SEC13: variants seen among roughly 807,000 people sequenced by gnomAD.
SEC13 encodes the protein SEC13 homolog, nuclear pore and COPII component.
A neutral mutation model predicts 49.2 loss-of-function variants in SEC13; 25 were observed. The ratio of observed to expected loss-of-function variants is 0.51; its 90% CI spans 0.37 to 0.71. SEC13 has a LOEUF of 0.71. Among genes scored for constraint, SEC13 ranks in the 30% least tolerant of loss-of-function variants. The pLI is 0.00. For synonymous variants in SEC13, 148 were observed against 163.9 expected (o/e 0.90, Z 0.74); for missense variants, 383 against 417.6 (o/e 0.92, Z 0.72).
intron 5 of SEC13, 107 bp from the exon 6 acceptor site, chr3:10,305,799 G>T (rs1308314761): frequency 8.0e-7 from 1 of 1,253,268 alleles, no homozygotes; most frequent in Non-Finnish European, 1.1e-6. Context: ...TGGAGTGTGT[G>T]TGAAGGCTGA....
chr3:10,318,779 G>A (rs2059709037), intron 1 of SEC13, among the ~76,000 whole-genome samples: 1 of 152,136 alleles, frequency 6.6e-6, no homozygotes, highest in African/African-American at 2.4e-5. Context: ...TATTCTTTGA[G>A]GTCCAGCTCA....
chr3:10,312,926 AC>A (rs2125272701), intron 3 of SEC13, 196 bp from the exon 4 acceptor site: 1 of 550,398 alleles, frequency 1.8e-6, no homozygotes, highest in South Asian at 2.4e-5. Context: ...AGGTTAAGCA[AC>A]CTAAGGTCAC....
intron 2 of SEC13, among the ~76,000 whole-genome samples, chr3:10,316,472 A>G (rs1701613417): frequency 1.3e-5 from 2 of 152,172 alleles, no homozygotes; most frequent in Non-Finnish European, 2.9e-5. Flanking sequence ...GAGGGCAGGC[A>G]GTAGAGGAGT....
At chr3:10,315,475 G>C (rs1469161588) in intron 2 of SEC13, 39 bp from the exon 3 acceptor site, 1 of 714,508 alleles carries the variant, frequency 1.4e-6, no homozygotes, top group Non-Finnish European at 2.3e-6. Context: ...TGCAGGCTGG[G>C]TGGGTGGGTG....
chr3:10,310,848 A>G lies in SEC13; in HGVS notation c.450+1117T>C, dbSNP rs114739197. On this transcript the variant is annotated intron_variant, in intron 5 of 8. Transcript: ENST00000350697. ...TGATGAATGGATAAACAAAATGTCT[A>G]TATTCACAATGGAGTATTATCCAGC... Among the ~76,000 whole-genome samples, 1,516 of 152,296 alleles carry G rather than the reference A, an allele frequency of 1.0e-2. 24 individuals carry two copies. The highest frequency in any genetic ancestry group is 0.034 in the African/African-American group (1,414 of 41,560).
In SEC13 at chr3:10,315,364, C is replaced by G. The variant is rs1259252377; in HGVS notation, c.121G>C (p.Asp41His). The change falls in exon 3 of 9, where the codon GAT (aspartate) becomes CAT (histidine). Residue 41 changes from aspartate (D) to histidine (H), a missense_variant. Transcript: ENST00000350697. Reference sequence around the variant, plus strand: ...AGGATCTGCCCTCCATTGCGCACATCAAAGATTTTGACGGACCTGTCTGAT... The same window carrying G: ...AGGATCTGCCCTCCATTGCGCACATGAAAGATTTTGACGGACCTGTCTGAT... Reference protein sequence around the residue: ...CSSDRSVKIFDVRNGGQILIA... With the variant: ...CSSDRSVKIFHVRNGGQILIA... 1.2e-6 allele frequency: 2 copies of G among 1,613,102 alleles called. No homozygotes were observed. Among genetic ancestry groups the G allele is most frequent in the South Asian group, 1.1e-5 (1 of 91,058 alleles).
At chr3:10,308,292 A>C (rs1228741574) in intron 5 of SEC13, among the ~76,000 whole-genome samples, 1 of 152,130 alleles carries the variant, frequency 6.6e-6, no homozygotes, top group Non-Finnish European at 1.5e-5. Context: ...TGCATTTCCT[A>C]GATATTACAG....
intron 3 of SEC13, 84 bp from the exon 4 acceptor site, chr3:10,312,814 G>A (rs1701364931): frequency 1.5e-6 from 2 of 1,343,550 alleles, no homozygotes; most frequent in East Asian, 2.3e-5. Context: ...TCCCTGAGAC[G>A]ATATATCAGG....
At chr3:10,302,756 G>A (rs538613511) in intron 8 of SEC13, among the ~76,000 whole-genome samples, 54 of 152,336 alleles carry the variant, frequency 3.5e-4, no homozygotes, top group African/African-American at 1.3e-3. Context: ...CACACTATTC[G>A]CAATAGCTAA....
rs764546940 is a variant in SEC13, at chr3:10,305,655, A to G, written c.488T>C (p.Val163Ala). ...TGGGTGGTCTATGAGGCTTCCAGGT[A>G]CAACAGCAGGGGCCCAGCTGACGGC... ...CNAVSWAPAV[V>A]PGSLIDHPSG... Residue 163 changes from valine (V) to alanine (A), a missense_variant, in exon 6 of 9, where the codon GTA becomes GCA. Val to Ala is a moderately conservative substitution (Grantham distance 64). Coordinates refer to ENST00000350697, the MANE Select transcript of SEC13 (RefSeq NM_183352.3). 4 of 1,614,194 alleles carry G rather than the reference A, an allele frequency of 2.5e-6. No individual in the cohort carries two copies. Among genetic ancestry groups the G allele is most frequent in the Non-Finnish European group, 3.4e-6 (4 of 1,180,014 alleles).
At chr3:10,313,408 C>T (rs777272727) in intron 3 of SEC13, 4 of 530,334 alleles carry the variant, frequency 7.5e-6, no homozygotes, top group Non-Finnish European at 1.6e-5. Context: ...TAGCTCTTGA[C>T]TTTAGGCAAG....
chr3:10,317,638 T>C (rs1438921754), intron 2 of SEC13, among the ~76,000 whole-genome samples: 1 of 152,140 alleles, frequency 6.6e-6, no homozygotes, highest in Non-Finnish European at 1.5e-5. Context: ...TGCCTTTGTA[T>C]TGAGTCATCT....
Position 10,321,069 on chromosome 3 carries a change from G to C in SEC13, c.-17C>G. The C allele has an allele frequency of 1.2e-6, 2 of 1,612,946 alleles. No individual in the cohort carries two copies. The highest frequency in any genetic ancestry group is 1.1e-5 in the South Asian group (1 of 90,810). On this transcript the variant is annotated 5_prime_UTR_variant, in exon 1 of 9. Coordinates refer to ENST00000350697, the MANE Select transcript of SEC13 (RefSeq NM_183352.3). This position sits in a 1 kb window ranked among gnomAD's most constrained non-coding sequence, Gnocchi z 4.1. ...ACTCACCATGATTGCGGCGGTGGCT[G>C]CTCCAGGTCTCGGACGTGGCAGCTC...
chr3:10,312,108 G>GAGGGAGAGTGCAGTGAGCAAAGC lies in SEC13; in HGVS notation c.317-33_317-11dup. ...CAGCACACCGAGTTCACTGCGGGAA[G>GAGGGAGAGTGCAGTGAGCAAAGC]AGGGAGAGTGCAGTGAGCAAAGCAG... is the stretch of plus-strand genomic sequence containing the variant. On this transcript the variant is annotated splice_polypyrimidine_tract_variant and intron_variant, in intron 4 of 8. Coordinates refer to ENST00000350697, the MANE Select transcript of SEC13 (RefSeq NM_183352.3). 13 of 1,585,786 alleles carry GAGGGAGAGTGCAGTGAGCAAAGC rather than the reference G, an allele frequency of 8.2e-6. No homozygotes were observed. Among genetic ancestry groups the GAGGGAGAGTGCAGTGAGCAAAGC allele is most frequent in the Non-Finnish European group, 1.1e-5 (13 of 1,165,430 alleles).
chr3:10,301,036 C>G lies in SEC13; in HGVS notation c.*225G>C. ...TGACCCAAAATAGATTTGAACATCACTTGTAGTTTCTTCCTCGTAACATGA... is the reference window on the plus strand; with the variant it reads ...TGACCCAAAATAGATTTGAACATCAGTTGTAGTTTCTTCCTCGTAACATGA... On this transcript the variant is annotated 3_prime_UTR_variant, in exon 9 of 9. Coordinates refer to ENST00000350697, the MANE Select transcript of SEC13 (RefSeq NM_183352.3). 1 of 1,570,200 alleles carries G rather than the reference C, an allele frequency of 6.4e-7. No homozygotes were observed. The highest frequency in any genetic ancestry group is 2.3e-5 in the East Asian group (1 of 44,276).
chr3:10,310,983 T>C (rs1311590509), intron 5 of SEC13, among the ~76,000 whole-genome samples: 1 of 151,940 alleles, frequency 6.6e-6, no homozygotes, highest in Non-Finnish European at 1.5e-5. Flanking sequence ...TCTCATTCTA[T>C]GTACAACTGA....
chr3:10,320,179 A>G (rs2059751475), intron 1 of SEC13, among the ~76,000 whole-genome samples: 1 of 152,212 alleles, frequency 6.6e-6, no homozygotes, highest in African/African-American at 2.4e-5. Flanking sequence ...CCTCAACTCT[A>G]ACCTGCAGTG....
At chr3:10,319,355 T>A (rs1559502786) in intron 1 of SEC13, 1 of 1,477,688 alleles carries the variant, frequency 6.8e-7, no homozygotes, top group African/African-American at 1.4e-5. Flanking sequence ...GTTTCCTCCA[T>A]GTGCCGAGCT....
intron 3 of SEC13, 97 bp downstream of exon 3, chr3:10,315,224 C>T: frequency 1.1e-6 from 1 of 888,060 alleles, no homozygotes; most frequent in Non-Finnish European, 1.8e-6. Flanking sequence ...TGGGGTTGCT[C>T]TGAATCTGGG....
Sources: gnomAD v4.1 joint callset for allele counts (sites outside exome capture counted in the v4.1 genomes callset) on GRCh38, gnomAD v4.1.1 for gene constraint, Gnocchi (gnomAD v3.1) non-coding constraint, MANE v1.5 for transcripts, NCBI Gene and HGNC (gene_info 2026-07-23, HGNC 2026-07-21) for gene names.